PBX4: variants seen among roughly 807,000 people sequenced by gnomAD.
PBX4 encodes the protein pre-B-cell leukemia transcription factor 4.
In PBX4, 26 loss-of-function variants were observed where a neutral mutation model predicts 35.1. The ratio of observed to expected loss-of-function variants is 0.74; its 90% CI spans 0.54 to 1.03. The LOEUF (loss-of-function observed/expected upper bound fraction) is 1.03, where lower values mean the gene tolerates loss of function less well. Ranked by LOEUF, PBX4 falls within the 50% of genes least tolerant of loss-of-function variation. PBX4 has a pLI of 0.00. For missense variants in PBX4, 448 were observed against 504.3 expected (o/e 0.89, Z 1.07); for synonymous variants, 199 against 204.2 (o/e 0.97, Z 0.22).
chr19:19,565,532 C>T (rs1244780609), intron 5 of PBX4, among the ~76,000 whole-genome samples: 1 of 152,226 alleles, frequency 6.6e-6, no homozygotes, highest in Non-Finnish European at 1.5e-5. Context: ...CAAATGAAAA[C>T]AAGGTGAACT....
chr19:19,576,201 G>A (rs2061418410), intron 2 of PBX4, among the ~76,000 whole-genome samples: 2 of 150,718 alleles, frequency 1.3e-5, no homozygotes, highest in South Asian at 2.1e-4. Context: ...ACCAGCCTGG[G>A]CAACATGGTG....
intron 2 of PBX4, among the ~76,000 whole-genome samples, chr19:19,573,374 T>C (rs989583522): frequency 1.2e-4 from 15 of 124,122 alleles, no homozygotes; most frequent in South Asian, 2.7e-4. Context: ...CACACACATA[T>C]AGGATAGTGT....
At chr19:19,596,585 A>C (rs2061562504) in intron 2 of PBX4, among the ~76,000 whole-genome samples, 1 of 152,106 alleles carries the variant, frequency 6.6e-6, no homozygotes, top group Non-Finnish European at 1.5e-5. Flanking sequence ...TCAAAGGCCA[A>C]GATTTACTCT....
At chr19:19,585,998 A>G (rs2061486734) in intron 2 of PBX4, among the ~76,000 whole-genome samples, 1 of 152,246 alleles carries the variant, frequency 6.6e-6, no homozygotes. Flanking sequence ...CTGGAACCAC[A>G]ATCAAATATG....
Position 19,569,604 on chromosome 19 carries a change from C to T in PBX4, c.633-20G>A, listed in dbSNP as rs202055912. 75 of 1,611,616 alleles carry T rather than the reference C, an allele frequency of 4.7e-5. No homozygotes were observed. Among genetic ancestry groups the T allele is most frequent in the African/African-American group, 4.4e-4 (33 of 74,950 alleles). On this transcript the variant is annotated intron_variant, in intron 4 of 7. Transcript: ENST00000251203. ...TTGCGCCTGCAAAAACAGCCGCCTT[C>T]GTAGGCATTAATATGCTGGGACTCC...
At chr19:19,604,212 T>C (rs1299016760) in intron 1 of PBX4, among the ~76,000 whole-genome samples, 1 of 152,078 alleles carries the variant, frequency 6.6e-6, no homozygotes, top group Non-Finnish European at 1.5e-5. Context: ...GGCTCATGCC[T>C]GTAATCCCAG....
At chr19:19,564,818 C>G in intron 6 of PBX4, 115 bp downstream of exon 6, 2 of 1,308,888 alleles carry the variant, frequency 1.5e-6, no homozygotes, top group Non-Finnish European at 2.1e-6. Context: ...GAAAGAGTTA[C>G]ACAGAGTTGA....
Position 19,571,144 on chromosome 19 carries a change from G to A in PBX4, c.194-311C>T, listed in dbSNP as rs550450906. On this transcript the variant is annotated intron_variant, in intron 2 of 7. Coordinates refer to ENST00000251203, the MANE Select transcript of PBX4 (RefSeq NM_025245.3). ...CAGCAGGGCCAGGCAGGCGCCTGTT[G>A]CTGGGGTCACCTGAACCCCTGAACC... Among the ~76,000 whole-genome samples the A allele has an allele frequency of 3.3e-4, 51 of 152,330 alleles. 1 individual carries two copies. The South Asian group carries it at 8.5e-3, about 25-fold the overall frequency.
At chr19:19,597,801 G>T (rs1248144697) in intron 2 of PBX4, among the ~76,000 whole-genome samples, 2 of 152,146 alleles carry the variant, frequency 1.3e-5, no homozygotes. Flanking sequence ...CTTTCAAATT[G>T]TTATTAACCT....
chr19:19,572,401 T>A (rs1829659852), intron 2 of PBX4, among the ~76,000 whole-genome samples: 1 of 152,056 alleles, frequency 6.6e-6, no homozygotes, highest in Non-Finnish European at 1.5e-5. Context: ...TAAGGTCAGC[T>A]ACTTACCGAA....
intron 1 of PBX4, among the ~76,000 whole-genome samples, chr19:19,607,850 C>T (rs372725686): frequency 4.6e-5 from 7 of 152,248 alleles, no homozygotes; most frequent in African/African-American, 1.7e-4. Flanking sequence ...ATTTCAGTCC[C>T]TATGGAATAG....
chr19:19,577,105 T>A (rs1035704760), intron 2 of PBX4, among the ~76,000 whole-genome samples: 5 of 150,102 alleles, frequency 3.3e-5, no homozygotes, highest in African/African-American at 9.8e-5. Context: ...TGCATGCCTG[T>A]AATCCCAGCT....
At chr19:19,584,284 T>C (rs2061474877) in intron 2 of PBX4, among the ~76,000 whole-genome samples, 1 of 152,012 alleles carries the variant, frequency 6.6e-6, no homozygotes, top group Admixed American at 6.6e-5. Flanking sequence ...GAAAGAACCT[T>C]CCTTAACCTG....
intron 3 of PBX4, 48 bp downstream of exon 3, chr19:19,570,530 TCGCTTTGA>T: frequency 6.3e-7 from 1 of 1,595,118 alleles, no homozygotes; most frequent in Non-Finnish European, 8.6e-7. Context: ...GTTCCGTGTT[TCGCTTTGA>T]CAAATGCGCA....
intron 2 of PBX4, among the ~76,000 whole-genome samples, chr19:19,571,741 G>A (rs1289495963): frequency 6.6e-6 from 1 of 152,152 alleles, no homozygotes; most frequent in Non-Finnish European, 1.5e-5. Flanking sequence ...GAGTGAAAAG[G>A]TGGCTTCACG....
rs1011921594 is a variant in PBX4, at chr19:19,562,627, G to A, written c.1033-510C>T. On this transcript the variant is annotated intron_variant, in intron 7 of 7. Coordinates refer to ENST00000251203, the MANE Select transcript of PBX4 (RefSeq NM_025245.3). This position sits in a 1 kb window ranked among gnomAD's most constrained non-coding sequence, Gnocchi z 4.8. ...GCATCACGTCCAACGGCGCTAAGACGTTTGTCCACAGGACCCACCCCCACT... is the reference window on the plus strand; with the variant it reads ...GCATCACGTCCAACGGCGCTAAGACATTTGTCCACAGGACCCACCCCCACT... 2.6e-5 allele frequency among the ~76,000 whole-genome samples: 4 copies of A among 152,186 alleles called. No homozygotes were observed. Among genetic ancestry groups the A allele is most frequent in the Non-Finnish European group, 5.9e-5 (4 of 68,024 alleles).
At chr19:19,588,733 T>G (rs1248706035) in intron 2 of PBX4, among the ~76,000 whole-genome samples, 1 of 152,148 alleles carries the variant, frequency 6.6e-6, no homozygotes, top group African/African-American at 2.4e-5. Context: ...CCTAGCAACA[T>G]GCACACTAAC....
In PBX4 at chr19:19,569,498, T is replaced by C; in HGVS notation, c.719A>G (p.Glu240Gly). ...CCTGGCCAGCTCTTCTTTGGCTTCT[T>C]CGCTGGGGTAAGGGTTGTTCAGATG... ...YSHLNNPYPS[E>G]EAKEELARKG... is the part of the protein sequence containing the mutation. The change falls in exon 5 of 8, where the codon GAA (glutamate) becomes GGA (glycine). Residue 240 changes from glutamate to glycine, a missense_variant. Physicochemically the swap from Glu to Gly is moderately conservative, Grantham distance 98. Coordinates refer to ENST00000251203, the MANE Select transcript of PBX4 (RefSeq NM_025245.3). 1 of 1,613,752 alleles carries C rather than the reference T, an allele frequency of 6.2e-7. No homozygotes were observed. Among genetic ancestry groups the C allele is most frequent in the Non-Finnish European group, 8.5e-7 (1 of 1,179,824 alleles).
At chr19:19,617,305 G>A (rs1460062611) in intron 1 of PBX4, among the ~76,000 whole-genome samples, 1 of 151,962 alleles carries the variant, frequency 6.6e-6, no homozygotes, top group African/African-American at 2.4e-5. Context: ...TACCATGCCT[G>A]GCTTATACTT....
Sources: allele counts gnomAD v4.1 joint callset (sites outside exome capture counted in the v4.1 genomes callset), GRCh38; gene constraint gnomAD v4.1.1; non-coding constraint Gnocchi (gnomAD v3.1); transcripts MANE v1.5; gene names NCBI Gene and HGNC (gene_info 2026-07-23, HGNC 2026-07-21).